Variants in SAMD3 observed in about 807,000 individuals in gnomAD.
SAMD3 encodes sterile alpha motif domain containing 3.
A neutral mutation model predicts 58.5 loss-of-function variants in SAMD3; 63 were observed. That is an observed-to-expected ratio of 1.08 (90% CI 0.88 to 1.33). The LOEUF (loss-of-function observed/expected upper bound fraction) is 1.33, where lower values mean the gene tolerates loss of function less well. SAMD3 is among the 40% of genes most tolerant of loss of function. The pLI is 0.00. For synonymous variants in SAMD3, 220 were observed against 210.3 expected (o/e 1.05, Z -0.40); for missense variants, 604 against 608.4 (o/e 0.99, Z 0.08).
chr6:130,213,115 T>A (rs1217191754), intron 4 of SAMD3, among the ~76,000 whole-genome samples: 1 of 152,026 alleles, frequency 6.6e-6, no homozygotes, highest in Admixed American at 6.6e-5. Flanking sequence ...AAACCACCAT[T>A]TGTTTAAAAA....
intron 9 of SAMD3, among the ~76,000 whole-genome samples, chr6:130,148,368 G>A (rs1788831987): frequency 6.6e-6 from 1 of 152,216 alleles, no homozygotes; most frequent in African/African-American, 2.4e-5. Context: ...TGGCCAGTAG[G>A]AGTCGCTTCA....
chr6:130,234,657 T>C (rs966029425), intron 2 of SAMD3, among the ~76,000 whole-genome samples: 6 of 152,218 alleles, frequency 3.9e-5, no homozygotes, highest in Non-Finnish European at 8.8e-5. Context: ...CTTGAACACA[T>C]ACAGAGCTCT....
chr6:130,235,114 C>CA (rs1056955045), intron 2 of SAMD3, among the ~76,000 whole-genome samples: 7 of 150,864 alleles, frequency 4.6e-5, no homozygotes, highest in Admixed American at 6.6e-5. Context: ...AACCCTGTCT[C>CA]AAAAAAAAGG....
chr6:130,333,671 G>T (rs1429811834), intron 1 of SAMD3, among the ~76,000 whole-genome samples: 1 of 152,180 alleles, frequency 6.6e-6, no homozygotes, highest in Non-Finnish European at 1.5e-5. Flanking sequence ...TATAAAATCT[G>T]ATATAAGCTC....
At chr6:130,143,552 C>T (rs1466459249), downstream of SAMD3, among the ~76,000 whole-genome samples, 1 of 152,036 alleles carries the variant, frequency 6.6e-6, no homozygotes, top group African/African-American at 2.4e-5. Context: ...CCCACATGAG[C>T]CTTTCTTAAA....
At chr6:130,179,924 C>T (rs1405471360) in intron 7 of SAMD3, among the ~76,000 whole-genome samples, 1 of 149,490 alleles carries the variant, frequency 6.7e-6, no homozygotes, top group African/African-American at 2.5e-5. Flanking sequence ...AAGCGATTCT[C>T]CTGCCTCAGC....
chr6:130,206,385 G>T (rs1795081147), intron 5 of SAMD3, among the ~76,000 whole-genome samples: 1 of 152,190 alleles, frequency 6.6e-6, no homozygotes, highest in Non-Finnish European at 1.5e-5. Context: ...AGGAAATGAG[G>T]CCAACTAGAC....
intron 9 of SAMD3, among the ~76,000 whole-genome samples, chr6:130,152,995 C>T (rs1392488487): frequency 6.6e-6 from 1 of 152,196 alleles, no homozygotes; most frequent in Non-Finnish European, 1.5e-5. Context: ...CCAATGAAGA[C>T]CCCTAAGGCT....
At chr6:130,291,656 T>C (rs1775365934) in intron 2 of SAMD3, among the ~76,000 whole-genome samples, 1 of 152,250 alleles carries the variant, frequency 6.6e-6, no homozygotes, top group South Asian at 2.1e-4. Context: ...AAGCAATTTG[T>C]TGATATGTAA....
intron 5 of SAMD3, among the ~76,000 whole-genome samples, chr6:130,194,831 C>T (rs1243494941): frequency 1.3e-5 from 2 of 152,204 alleles, no homozygotes; most frequent in African/African-American, 4.8e-5. Flanking sequence ...ACTGCCTGAT[C>T]ACCTTGGAAG....
intron 1 of SAMD3, among the ~76,000 whole-genome samples, chr6:130,330,600 T>C (rs1379703675): frequency 1.3e-5 from 2 of 152,208 alleles, no homozygotes; most frequent in African/African-American, 4.8e-5. Context: ...AATATCTTAC[T>C]GAGGAAGTGT....
intron 1 of SAMD3, among the ~76,000 whole-genome samples, chr6:130,316,907 C>A (rs7758306): frequency 6.6e-6 from 1 of 152,008 alleles, no homozygotes; most frequent in Non-Finnish European, 1.5e-5. Context: ...ATATTGTAAA[C>A]CTGTATTATT....
chr6:130,187,972 A>G (rs746196339), intron 5 of SAMD3, among the ~76,000 whole-genome samples: 8 of 152,382 alleles, frequency 5.2e-5, no homozygotes, highest in Non-Finnish European at 8.8e-5. Flanking sequence ...TTCACTGCTT[A>G]CTAAATTCTC....
At chr6:130,279,410 G>C (rs1057114379) in intron 2 of SAMD3, among the ~76,000 whole-genome samples, 6 of 151,172 alleles carry the variant, frequency 4.0e-5, no homozygotes, top group African/African-American at 1.5e-4. Context: ...CTGCCACCCT[G>C]TAAAGAGGTG....
chr6:130,153,666 T>TATATATATATATATATATA (rs58896049), intron 9 of SAMD3, among the ~76,000 whole-genome samples: 5,801 of 88,438 alleles, frequency 0.066, 345 homozygotes, highest in Non-Finnish European at 0.096. Context: ...ATATATATAT[T>TATATATATATATATATATA]TATTTATTTA....
At chr6:130,297,479 C>T (rs1583066205) in intron 2 of SAMD3, among the ~76,000 whole-genome samples, 1 of 152,292 alleles carries the variant, frequency 6.6e-6, no homozygotes, top group East Asian at 1.9e-4. Context: ...GTACTAAAAG[C>T]CAGAGTTCTT....
At chr6:130,261,584 T>C (rs1446084564) in intron 2 of SAMD3, among the ~76,000 whole-genome samples, 2 of 152,130 alleles carry the variant, frequency 1.3e-5, no homozygotes, top group East Asian at 3.9e-4. Flanking sequence ...CTTTGTTTTG[T>C]GGTGTGTGTG....
rs558856047 is a variant in SAMD3 at position 130,360,743 on chromosome 6, C to T, written c.-304+4377G>A. Among the ~76,000 whole-genome samples, 48 of 152,244 alleles carry T rather than the reference C, an allele frequency of 3.2e-4. 1 individual carries two copies. The highest frequency in any genetic ancestry group is 7.7e-4 in the African/African-American group (32 of 41,548). ...TTCCTCTTCCTAATAAGCCTGGGAGCGCTATGGGAGACTGGGATTTATTTC... is the reference window on the plus strand; with the variant it reads ...TTCCTCTTCCTAATAAGCCTGGGAGTGCTATGGGAGACTGGGATTTATTTC... On this transcript the variant is annotated intron_variant, in intron 1 of 13. Transcript: ENST00000368134.
intron 2 of SAMD3, among the ~76,000 whole-genome samples, chr6:130,246,857 C>A (rs1284034291): frequency 1.3e-5 from 2 of 151,868 alleles, no homozygotes; most frequent in African/African-American, 4.8e-5. Context: ...CCGTTGCACT[C>A]CAGCCTGGGT....
Sources: allele counts gnomAD v4.1 joint callset (sites outside exome capture counted in the v4.1 genomes callset), GRCh38; gene constraint gnomAD v4.1.1; transcripts MANE v1.5; gene names NCBI Gene and HGNC (gene_info 2026-07-23, HGNC 2026-07-21).